GABRG3: variants seen among roughly 807,000 people sequenced by gnomAD.
GABRG3 encodes gamma-aminobutyric acid type A receptor subunit gamma3.
A neutral mutation model predicts 48.8 loss-of-function variants in GABRG3; 25 were observed. That is an observed-to-expected ratio of 0.51 (90% CI 0.37 to 0.72). The LOEUF (loss-of-function observed/expected upper bound fraction) is 0.72, where lower values mean the gene tolerates loss of function less well. Ranked by LOEUF, GABRG3 falls within the 30% of genes least tolerant of loss-of-function variation. The probability of loss-of-function intolerance (pLI) is 0.00; values close to 1 mark genes in which losing one functional copy is unlikely to be tolerated. For synonymous variants in GABRG3, 227 were observed against 217.6 expected (o/e 1.04, Z -0.38); for missense variants, 394 against 577.9 (o/e 0.68, Z 3.26).
intron 5 of GABRG3, among the ~76,000 whole-genome samples, chr15:27,468,383 A>G (rs1461119716): frequency 6.6e-6 from 1 of 152,154 alleles, no homozygotes; most frequent in Non-Finnish European, 1.5e-5. Context: ...TACAACAAAT[A>G]TGGGTGTTCC....
chr15:27,306,187 TAA>T (rs927328813), intron 3 of GABRG3, among the ~76,000 whole-genome samples: 2 of 134,172 alleles, frequency 1.5e-5, no homozygotes, highest in Non-Finnish European at 3.1e-5. Context: ...ACATATAATA[TAA>T]ACATATTTAT....
At chr15:26,973,006 A>G (rs1894874781) in intron 1 of GABRG3, among the ~76,000 whole-genome samples, 1 of 152,180 alleles carries the variant, frequency 6.6e-6, no homozygotes, top group South Asian at 2.1e-4. Flanking sequence ...TCCTGGTTGT[A>G]TCTCTGTTTA....
chr15:27,060,733 C>A (rs116923763), intron 3 of GABRG3, among the ~76,000 whole-genome samples: 2 of 152,158 alleles, frequency 1.3e-5, no homozygotes, highest in Non-Finnish European at 2.9e-5. Flanking sequence ...AAGGAGGGAC[C>A]TTTCTTCCTT....
chr15:27,317,840 A>C (rs545882418), intron 3 of GABRG3, among the ~76,000 whole-genome samples: 43 of 152,346 alleles, frequency 2.8e-4, no homozygotes, highest in African/African-American at 1.0e-3. Context: ...CCCTGTGAGC[A>C]AGAAAGGCAT....
At chr15:27,324,972 G>A (rs561822559) in intron 3 of GABRG3, among the ~76,000 whole-genome samples, 1 of 118,032 alleles carries the variant, frequency 8.5e-6, no homozygotes, top group African/African-American at 5.0e-5. Context: ...AGCAATGGGT[G>A]TGATTATTTC....
intron 5 of GABRG3, among the ~76,000 whole-genome samples, chr15:27,440,982 A>T (rs1888766749): frequency 6.6e-6 from 1 of 152,202 alleles, no homozygotes; most frequent in African/African-American, 2.4e-5. Context: ...GTTGCTACTC[A>T]TCACAGCGAG....
At position 27,171,736 on chromosome 15, in the gene GABRG3, T is replaced by C. The variant is rs560641805; in HGVS notation, c.270+144915T>C. On this transcript the variant is annotated intron_variant, in intron 3 of 9. Transcript: ENST00000615808. ...ATTCTTAGGCCAACCAAGATACATA[T>C]GTGTGGTGCCTGCTTGAGCCAGGCA... Among the ~76,000 whole-genome samples, 3 of 152,278 alleles carry C rather than the reference T, an allele frequency of 2.0e-5. No homozygotes were observed. In the East Asian group the frequency reaches 5.8e-4, roughly 29 times the overall value.
intron 3 of GABRG3, among the ~76,000 whole-genome samples, chr15:27,227,114 G>A (rs1181268415): frequency 6.6e-6 from 1 of 152,190 alleles, no homozygotes; most frequent in East Asian, 1.9e-4. Context: ...AACTTGCATA[G>A]AATGTTGTTG....
chr15:27,307,896 A>T (rs1473402996), intron 3 of GABRG3, among the ~76,000 whole-genome samples: 1 of 138,994 alleles, frequency 7.2e-6, no homozygotes, highest in Non-Finnish European at 1.5e-5. Context: ...TATAAAATAT[A>T]TATAAAATAA....
chr15:27,109,168 C>A (rs993654000), intron 3 of GABRG3, among the ~76,000 whole-genome samples: 1 of 152,046 alleles, frequency 6.6e-6, no homozygotes, highest in Non-Finnish European at 1.5e-5. Context: ...GATATATAAT[C>A]TTTTTAATTA....
intron 2 of GABRG3, among the ~76,000 whole-genome samples, chr15:27,009,191 A>T (rs989505753): frequency 3.3e-5 from 5 of 152,164 alleles, no homozygotes; most frequent in African/African-American, 1.2e-4. Flanking sequence ...AGGTTGACAT[A>T]AAGAATTCCA....
intron 9 of GABRG3, among the ~76,000 whole-genome samples, chr15:27,530,233 G>A (rs1891389862): frequency 6.6e-6 from 1 of 152,180 alleles, no homozygotes; most frequent in African/African-American, 2.4e-5. Flanking sequence ...ATGCAAGGCT[G>A]AGGAACTTCA....
chr15:27,154,025 G>A (rs1035726423), intron 3 of GABRG3, among the ~76,000 whole-genome samples: 1 of 152,178 alleles, frequency 6.6e-6, no homozygotes, highest in African/African-American at 2.4e-5. Context: ...AACCTTACTA[G>A]GAGTTGGGCT....
At chr15:27,229,218 A>G (rs192407975) in intron 3 of GABRG3, among the ~76,000 whole-genome samples, 7 of 152,292 alleles carry the variant, frequency 4.6e-5, no homozygotes, top group Admixed American at 4.6e-4. Context: ...TAAGTCTTCA[A>G]TCCATCTTGA....
At chr15:27,303,672 C>T (rs1000738156) in intron 3 of GABRG3, among the ~76,000 whole-genome samples, 5 of 151,414 alleles carry the variant, frequency 3.3e-5, no homozygotes, top group African/African-American at 1.2e-4. Flanking sequence ...AAGAAAACTA[C>T]ACAATATATT....
intron 3 of GABRG3, among the ~76,000 whole-genome samples, chr15:27,307,363 C>A (rs202006753): frequency 0.036 from 939 of 25,756 alleles, 76 homozygotes; most frequent in Non-Finnish European, 0.053. Flanking sequence ...TTATATATAA[C>A]CATATAGGTT....
intron 3 of GABRG3, among the ~76,000 whole-genome samples, chr15:27,174,737 G>A (rs1167958109): frequency 3.9e-5 from 6 of 152,020 alleles, no homozygotes; most frequent in Non-Finnish European, 8.8e-5. Flanking sequence ...TTTGGCTAAC[G>A]GAAGCCCCTG....
intron 2 of GABRG3, among the ~76,000 whole-genome samples, chr15:26,989,213 A>G (rs557544702): frequency 1.2e-4 from 18 of 152,306 alleles, no homozygotes; most frequent in Non-Finnish European, 2.2e-4. Context: ...AGGTTTATCA[A>G]TGTGATAGCA....
At chr15:27,466,766 G>A (rs1226221602) in intron 5 of GABRG3, among the ~76,000 whole-genome samples, 2 of 152,186 alleles carry the variant, frequency 1.3e-5, no homozygotes, top group African/African-American at 4.8e-5. Flanking sequence ...GACCCCAAGG[G>A]TAAGCATGGT....
Sources: allele counts gnomAD v4.1 joint callset (sites outside exome capture counted in the v4.1 genomes callset), GRCh38; gene constraint gnomAD v4.1.1; transcripts MANE v1.5; gene names NCBI Gene and HGNC (gene_info 2026-07-23, HGNC 2026-07-21).